The following GADL1 variants were observed in gnomAD, a reference collection of about 807,000 sequenced individuals.
GADL1 encodes acidic amino acid decarboxylase GADL1.
Under a neutral mutation model 69.5 loss-of-function variants are expected in GADL1, and 71 were observed. The observed-to-expected ratio is 1.02, with a 90% CI of 0.84 to 1.25. GADL1 has a LOEUF of 1.25. Ranked by LOEUF, GADL1 falls within the 50% of genes most tolerant of loss-of-function variation. GADL1 has a pLI of 0.00. For missense variants in GADL1, 737 were observed against 631.8 expected, an observed-to-expected ratio of 1.17 and a Z score of -1.79; for synonymous variants, 254 against 214.4, an observed-to-expected ratio of 1.18 and a Z score of -1.62.
chr3:30,788,512 CA>C (rs1696847245), intron 12 of GADL1, among the ~76,000 whole-genome samples: 2 of 152,274 alleles, frequency 1.3e-5, no homozygotes, highest in South Asian at 2.1e-4. Flanking sequence ...GCTGACTGAT[CA>C]AAAGGCTGAA....
chr3:30,834,143 T>C lies in GADL1; in HGVS notation c.968+74A>G, dbSNP rs569481163. ...ACAATTACTTTGTTTTTTCCTATTT[T>C]CAAAATATCACTTAGTCCAAAGAGA... is the stretch of plus-strand genomic sequence containing the variant. On this transcript the variant is annotated intron_variant, in intron 10 of 14. Coordinates refer to ENST00000282538, the MANE Select transcript of GADL1 (RefSeq NM_207359.3). 531 of 1,234,984 alleles carry C rather than the reference T, an allele frequency of 4.3e-4. 3 individuals carry two copies. The African/African-American group carries it at 6.7e-3, about 16-fold the overall frequency. The allele number at this position is 1,234,984 out of a possible 1,614,324, so 76.5% of individuals were successfully genotyped here. A position where few individuals can be genotyped will look rare whatever the true frequency, so the allele number is the denominator to read the frequency against.
chr3:30,782,620 A>C (rs1263550907), intron 13 of GADL1, among the ~76,000 whole-genome samples: 2 of 152,158 alleles, frequency 1.3e-5, no homozygotes, highest in African/African-American at 4.8e-5. Context: ...GTTGAGGATG[A>C]AGACATACAA....
intron 9 of GADL1, among the ~76,000 whole-genome samples, chr3:30,837,430 CA>C (rs1458307750): frequency 1.3e-5 from 2 of 152,060 alleles, no homozygotes; most frequent in East Asian, 3.9e-4. Context: ...ATACTATGCA[CA>C]AATAGGATAA....
At chr3:30,841,674 G>C (rs1182087886) in intron 8 of GADL1, among the ~76,000 whole-genome samples, 2 of 152,110 alleles carry the variant, frequency 1.3e-5, no homozygotes, top group African/African-American at 4.8e-5. Context: ...GAAGGAATTA[G>C]GACATCACTT....
chr3:30,754,293 T>C (rs765592119), intron 14 of GADL1, among the ~76,000 whole-genome samples: 1 of 152,180 alleles, frequency 6.6e-6, no homozygotes, highest in Non-Finnish European at 1.5e-5. Context: ...TGCAAGCCTT[T>C]TGTGGGGGAA....
intron 6 of GADL1, among the ~76,000 whole-genome samples, chr3:30,846,925 G>C (rs1698067898): frequency 6.6e-6 from 1 of 152,150 alleles, no homozygotes; most frequent in Admixed American, 6.5e-5. Context: ...TAACTCACTT[G>C]CCTCTCCTGG....
Position 30,728,498 on chromosome 3 carries a change from T to G in GADL1, c.1393-83A>C, listed in dbSNP as rs998717654. 4 of 1,064,334 alleles carry G rather than the reference T, an allele frequency of 3.8e-6. No individual in the cohort carries two copies. The African/African-American group carries it at 4.7e-5, about 12-fold the overall frequency. The allele number at this position is 1,064,334 out of a possible 1,614,324, so 65.9% of individuals were successfully genotyped here. A position where few individuals can be genotyped will look rare whatever the true frequency, so the allele number is the denominator to read the frequency against. On this transcript the variant is annotated intron_variant, in intron 14 of 14. Coordinates refer to ENST00000282538, the MANE Select transcript of GADL1 (RefSeq NM_207359.3). ...AGCATTTTCACCAGCCATTGGACAT[T>G]TACTGGGCATCCACTGGTTTGGATC...
chr3:30,729,009 G>T lies in GADL1; in HGVS notation c.1393-594C>A, dbSNP rs145765634. ...ATGTATTTTTCATCCTAGAAAAAAA[G>T]AAAGTTAGATATTATTCTCATATAT... On this transcript the variant is annotated intron_variant, in intron 14 of 14. Transcript: ENST00000282538. 9.6e-3 allele frequency among the ~76,000 whole-genome samples: 1,463 copies of T among 152,162 alleles called. 9 individuals are homozygous for T. Among genetic ancestry groups the T allele is most frequent in the Middle Eastern group, 0.02 (6 of 294 alleles).
intron 11 of GADL1, among the ~76,000 whole-genome samples, chr3:30,808,089 G>T (rs1438647151): frequency 2.6e-5 from 4 of 152,102 alleles, no homozygotes; most frequent in African/African-American, 4.8e-5. Flanking sequence ...CCATGTAAAA[G>T]GTCAGTGTAT....
At chr3:30,848,804 A>T (rs893668891) in intron 6 of GADL1, among the ~76,000 whole-genome samples, 2 of 152,182 alleles carry the variant, frequency 1.3e-5, no homozygotes, top group African/African-American at 4.8e-5. Flanking sequence ...CTTTACATGC[A>T]ATTACTCATT....
intron 11 of GADL1, among the ~76,000 whole-genome samples, chr3:30,815,109 T>C (rs1251620777): frequency 6.6e-6 from 1 of 152,144 alleles, no homozygotes; most frequent in African/African-American, 2.4e-5. Context: ...AGAAACATTT[T>C]ACACAATTCC....
chr3:30,752,023 C>T (rs1695832963), intron 14 of GADL1, among the ~76,000 whole-genome samples: 2 of 152,100 alleles, frequency 1.3e-5, no homozygotes. Context: ...GAAATTAAAC[C>T]CAGTAGGCAG....
chr3:30,792,919 C>T (rs982948743), intron 12 of GADL1, among the ~76,000 whole-genome samples: 1 of 152,136 alleles, frequency 6.6e-6, no homozygotes, highest in African/African-American at 2.4e-5. Flanking sequence ...CCAGATTGAA[C>T]ATTGCTACGT....
chr3:30,799,894 C>A (rs553891364), intron 12 of GADL1: 1 of 152,416 alleles, frequency 6.6e-6, no homozygotes, highest in South Asian at 2.1e-4. Flanking sequence ...CAACTTTGCT[C>A]CAGTTCCCAA....
At chr3:30,741,112 G>GTATATA (rs67611024) in intron 14 of GADL1, among the ~76,000 whole-genome samples, 56 of 113,928 alleles carry the variant, frequency 4.9e-4, no homozygotes, top group Middle Eastern at 3.8e-3. Context: ...TGTATTCCTA[G>GTATATA]TATATATATA....
At chr3:30,857,577 A>G (rs1488388586) in intron 2 of GADL1, among the ~76,000 whole-genome samples, 1 of 152,008 alleles carries the variant, frequency 6.6e-6, no homozygotes, top group African/African-American at 2.4e-5. Context: ...AGGAATGCTG[A>G]AGCAGTTTTT....
intron 1 of GADL1, among the ~76,000 whole-genome samples, chr3:30,876,520 G>A (rs983336355): frequency 6.6e-6 from 1 of 152,026 alleles, no homozygotes; most frequent in Non-Finnish European, 1.5e-5. Context: ...GGTGGTTTCA[G>A]CATGCCTCTG....
At chr3:30,728,936 T>C (rs1225819597) in intron 14 of GADL1, among the ~76,000 whole-genome samples, 1 of 147,684 alleles carries the variant, frequency 6.8e-6, no homozygotes, top group African/African-American at 2.5e-5. Flanking sequence ...ATGGATATTA[T>C]GTACAGTTCT....
chr3:30,850,569 C>G (rs781231293), intron 5 of GADL1, among the ~76,000 whole-genome samples: 10 of 152,222 alleles, frequency 6.6e-5, no homozygotes, highest in Non-Finnish European at 1.5e-4. Context: ...ACAGCCCTTC[C>G]AAACTTCCAG....
Sources: gnomAD v4.1 joint callset for allele counts (sites outside exome capture counted in the v4.1 genomes callset) on GRCh38, gnomAD v4.1.1 for gene constraint, MANE v1.5 for transcripts, NCBI Gene and HGNC (gene_info 2026-07-23, HGNC 2026-07-21) for gene names.